Variants in MYBPC1 observed in about 807,000 individuals in gnomAD.
MYBPC1 encodes the protein myosin binding protein C1.
Under a neutral mutation model 147.1 loss-of-function variants are expected in MYBPC1, and 52 were observed. That is an observed-to-expected ratio of 0.35 (90% confidence interval 0.28 to 0.45). The LOEUF is 0.45. MYBPC1 is among the 20% of genes least tolerant of loss of function. The pLI, the probability that MYBPC1 is intolerant of heterozygous loss-of-function variation, is 1.00. For synonymous variants in MYBPC1, 477 were observed against 475.9 expected, an observed-to-expected ratio of 1.00 and a Z score of -0.03; for missense variants, 1,228 against 1,440.3, an observed-to-expected ratio of 0.85 and a Z score of 2.39.
chr12:101,613,099 T>A (rs998818951), intron 1 of MYBPC1, among the ~76,000 whole-genome samples: 3 of 152,214 alleles, frequency 2.0e-5, no homozygotes, highest in Non-Finnish European at 2.9e-5. Context: ...GCCATCTGAA[T>A]AAAAGTTTTT....
intron 1 of MYBPC1, 72 bp from the exon 2 acceptor site, chr12:101,614,424 C>T: frequency 6.4e-7 from 1 of 1,571,320 alleles, no homozygotes; most frequent in Non-Finnish European, 8.7e-7. Flanking sequence ...CAGAAGCTGC[C>T]TGGGGCTGTA....
At chr12:101,634,792 C>G (rs940207589) in intron 9 of MYBPC1, among the ~76,000 whole-genome samples, 187 bp downstream of exon 9, 4 of 152,200 alleles carry the variant, frequency 2.6e-5, no homozygotes, top group Non-Finnish European at 1.5e-5. Context: ...CAAGCATATA[C>G]TGACCATTTT....
chr12:101,642,614 C>T (rs1267420158), intron 11 of MYBPC1, 29 bp downstream of exon 11: 1 of 1,595,228 alleles, frequency 6.3e-7, no homozygotes, highest in East Asian at 2.3e-5. Context: ...GAGGCAGCGG[C>T]CGAGGGGCGT....
chr12:101,693,500 G>A, the MYBPC1 span, among the ~76,000 whole-genome samples: 7 of 152,140 alleles, frequency 4.6e-5, no homozygotes, highest in African/African-American at 1.7e-4. Context: ...CAGCATTTTA[G>A]GAGGTCAAAG....
intron 28 of MYBPC1, among the ~76,000 whole-genome samples, chr12:101,679,833 C>G (rs1354724990): frequency 6.6e-6 from 1 of 152,128 alleles, no homozygotes; most frequent in Non-Finnish European, 1.5e-5. Flanking sequence ...CAAATATGCA[C>G]TCTCTACAAT....
chr12:101,638,284 A>T (rs1891383930), intron 10 of MYBPC1, among the ~76,000 whole-genome samples: 1 of 152,204 alleles, frequency 6.6e-6, no homozygotes, highest in Admixed American at 6.5e-5. Context: ...TACTGATGTG[A>T]GGAAAAGAAA....
intron 25 of MYBPC1, 147 bp downstream of exon 25, chr12:101,673,769 T>A: frequency 3.2e-6 from 3 of 950,586 alleles, no homozygotes; most frequent in Non-Finnish European, 4.8e-6. Flanking sequence ...ATAGATAAAT[T>A]AGGCTGGGCG....
intron 1 of MYBPC1, among the ~76,000 whole-genome samples, chr12:101,595,983 A>G (rs536195302): frequency 1.2e-4 from 18 of 152,166 alleles, no homozygotes; most frequent in Admixed American, 4.6e-4. Context: ...ATCTTTTAAA[A>G]ATATTATTTC....
At chr12:101,694,364 C>T in the MYBPC1 span, among the ~76,000 whole-genome samples, 1 of 152,144 alleles carries the variant, frequency 6.6e-6, no homozygotes, top group Non-Finnish European at 1.5e-5. Context: ...GTGTATTTTG[C>T]CTATGGCCTG....
In MYBPC1 at chr12:101,631,614, T is replaced by C; in HGVS notation, c.333T>C (p.Leu111=). The change falls in exon 7 of 32, where the codon CTT becomes CTC. Residue 111 remains leucine, a synonymous_variant. Transcript: ENST00000361466. The part of the protein sequence containing the change: ...TFIAKVKAED[L]LRKPTIKWFK... ...TAGCCAAAGTCAAGGCTGAAGATCT[T>C]CTGAGAAAACCCACTATCAAATGGT... The C allele has an allele frequency of 6.2e-7, 1 of 1,614,178 alleles. No homozygotes were observed.
chr12:101,675,180 G>A, intron 25 of MYBPC1, 112 bp from the exon 26 acceptor site: 1 of 1,419,766 alleles, frequency 7.0e-7, no homozygotes, highest in Non-Finnish European at 9.7e-7. Flanking sequence ...GGGTCTAGAA[G>A]AGTGATGCCT....
chr12:101,601,701 A>G (rs1443369666), intron 1 of MYBPC1, among the ~76,000 whole-genome samples: 1 of 152,142 alleles, frequency 6.6e-6, no homozygotes, highest in African/African-American at 2.4e-5. Flanking sequence ...AATATGTCAA[A>G]TGTTAGATCT....
At chr12:101,633,862 G>A (rs1165957210) in intron 8 of MYBPC1, among the ~76,000 whole-genome samples, 1 of 151,626 alleles carries the variant, frequency 6.6e-6, no homozygotes, top group African/African-American at 2.4e-5. Context: ...GCTTCAACCT[G>A]GCTGGGCATC....
intron 5 of MYBPC1, 84 bp from the exon 6 acceptor site, chr12:101,629,350 T>C: frequency 1.1e-6 from 1 of 901,256 alleles, no homozygotes; most frequent in African/African-American, 1.6e-5. Flanking sequence ...AGCTACAGCG[T>C]TGGTGAGAAC....
intron 26 of MYBPC1, 96 bp downstream of exon 26, chr12:101,675,527 C>A (rs776832600): frequency 2.0e-5 from 31 of 1,545,026 alleles, no homozygotes; most frequent in Non-Finnish European, 2.6e-5. Context: ...AAGGAGCCAA[C>A]TGGGGCTATG....
chr12:101,677,953 C>T, intron 27 of MYBPC1, 149 bp from the exon 28 acceptor site: 2 of 998,696 alleles, frequency 2.0e-6, no homozygotes, highest in Non-Finnish European at 3.0e-6. Context: ...TTATACCCCT[C>T]AGAATGTTTG....
At chr12:101,689,825 C>T (rs1348711777), downstream of MYBPC1, among the ~76,000 whole-genome samples, 1 of 152,128 alleles carries the variant, frequency 6.6e-6, no homozygotes, top group Admixed American at 6.5e-5. Context: ...CCTCCTTACT[C>T]AGCTGACCAC....
intron 18 of MYBPC1, among the ~76,000 whole-genome samples, chr12:101,657,859 G>C (rs1300563592): frequency 6.6e-6 from 1 of 152,074 alleles, no homozygotes; most frequent in East Asian, 1.9e-4. Flanking sequence ...GAAAATTTCA[G>C]ACCAATATCT....
intron 1 of MYBPC1, among the ~76,000 whole-genome samples, chr12:101,611,942 T>C (rs1281098975): frequency 1.3e-5 from 2 of 151,996 alleles, no homozygotes; most frequent in Non-Finnish European, 2.9e-5. Flanking sequence ...CTGGACATGG[T>C]GGCATGCACC....
Sources: gnomAD v4.1 joint callset for allele counts (sites outside exome capture counted in the v4.1 genomes callset) on GRCh38, gnomAD v4.1.1 for gene constraint, MANE v1.5 for transcripts, NCBI Gene and HGNC (gene_info 2026-07-23, HGNC 2026-07-21) for gene names.